ASTN1: variants seen among roughly 807,000 people sequenced by gnomAD.
ASTN1 encodes astrotactin 1, also known as astrotactin-1.
Under a neutral mutation model 140.7 loss-of-function variants are expected in ASTN1, and 41 were observed. That is an observed-to-expected ratio of 0.29 (90% CI 0.23 to 0.38). The LOEUF (loss-of-function observed/expected upper bound fraction) is 0.38. Ranked by LOEUF, ASTN1 falls within the 10% of genes least tolerant of loss-of-function variation. ASTN1 has a pLI of 1.00. For synonymous variants in ASTN1, 640 were observed against 652.2 expected (o/e 0.98, Z 0.29); for missense variants, 1,479 against 1,678.8 (o/e 0.88, Z 2.08).
At chr1:177,153,044 G>A (rs1171348243) in intron 1 of ASTN1, among the ~76,000 whole-genome samples, 1 of 152,054 alleles carries the variant, frequency 6.6e-6, no homozygotes, top group African/African-American at 2.4e-5. Flanking sequence ...GCTACAGTTT[G>A]GATGTTTGTC....
intron 1 of ASTN1, among the ~76,000 whole-genome samples, chr1:177,079,768 C>A (rs1448658531): frequency 6.6e-6 from 1 of 152,082 alleles, no homozygotes; most frequent in African/African-American, 2.4e-5. Context: ...ACTCCACACC[C>A]CCACTGAAAA....
At chr1:176,986,032 C>G (rs1170729590) in intron 8 of ASTN1, among the ~76,000 whole-genome samples, 6 of 152,148 alleles carry the variant, frequency 3.9e-5, no homozygotes. Context: ...CAGCTGAGAA[C>G]TGCCTCCTGC....
rs993490223 is a variant in ASTN1, at chr1:177,069,562, T to C, written c.284-8297A>G. 3.3e-4 allele frequency among the ~76,000 whole-genome samples: 50 copies of C among 152,110 alleles called. 1 individual carries two copies. The highest frequency in any genetic ancestry group is 3.1e-3 in the Admixed American group (48 of 15,270). On this transcript the variant is annotated intron_variant, in intron 1 of 22. Transcript: ENST00000361833. ...GTCTTGATGGAAAGCAGTGAAGCTT[T>C]CTATGGATGCTGCTGGAAGTAGGTC...
intron 17 of ASTN1, among the ~76,000 whole-genome samples, chr1:176,890,714 T>G (rs1382062699): frequency 6.6e-6 from 1 of 152,178 alleles, no homozygotes; most frequent in African/African-American, 2.4e-5. Flanking sequence ...CATCTTCAAT[T>G]CACACCACTC....
intron 1 of ASTN1, among the ~76,000 whole-genome samples, chr1:177,081,492 A>G (rs149284465): frequency 0.012 from 1,785 of 152,286 alleles, 20 homozygotes; most frequent in Middle Eastern, 0.027. Flanking sequence ...AGAGTGGCCC[A>G]TCTTCTTAAG....
At chr1:177,021,798 C>G (rs1185133680) in intron 7 of ASTN1, among the ~76,000 whole-genome samples, 3 of 152,194 alleles carry the variant, frequency 2.0e-5, no homozygotes, top group Admixed American at 6.5e-5. Context: ...CTGAGATTGT[C>G]CCAAATCCTT....
chr1:176,870,762 C>T (rs957217130), intron 21 of ASTN1, among the ~76,000 whole-genome samples: 3 of 152,094 alleles, frequency 2.0e-5, no homozygotes, highest in African/African-American at 7.2e-5. Flanking sequence ...TTAAAATTCT[C>T]ATATTGTTAA....
intron 16 of ASTN1, among the ~76,000 whole-genome samples, chr1:176,917,364 G>A (rs752212358): frequency 2.0e-5 from 3 of 152,194 alleles, no homozygotes; most frequent in Non-Finnish European, 2.9e-5. Flanking sequence ...ACTGGGCAGA[G>A]TAAGGATTTT....
intron 1 of ASTN1, among the ~76,000 whole-genome samples, chr1:177,137,851 C>G (rs559708389): frequency 6.6e-6 from 1 of 152,276 alleles, no homozygotes; most frequent in East Asian, 1.9e-4. Flanking sequence ...AAAATGCTAA[C>G]TAAAATAGCA....
chr1:177,091,591 A>T (rs1679755849), intron 1 of ASTN1, among the ~76,000 whole-genome samples: 1 of 152,180 alleles, frequency 6.6e-6, no homozygotes, highest in African/African-American at 2.4e-5. Context: ...TTTAAGATGC[A>T]CAATTCAGTG....
At chr1:176,893,354 GC>G (rs1669350828) in intron 17 of ASTN1, among the ~76,000 whole-genome samples, 1 of 152,144 alleles carries the variant, frequency 6.6e-6, no homozygotes, top group Admixed American at 6.5e-5. Flanking sequence ...GGTGACCCAA[GC>G]CCTCTGCCTT....
At chr1:177,051,188 G>A (rs1677524407) in intron 2 of ASTN1, among the ~76,000 whole-genome samples, 1 of 152,148 alleles carries the variant, frequency 6.6e-6, no homozygotes, top group African/African-American at 2.4e-5. Context: ...CAATCTGTGG[G>A]GGTCTGGCTA....
chr1:177,035,068 C>T, intron 2 of ASTN1, among the ~76,000 whole-genome samples: 1 of 152,168 alleles, frequency 6.6e-6, no homozygotes, highest in African/African-American at 2.4e-5. Flanking sequence ...ATTAGCTGTC[C>T]ATTATCATGC....
intron 14 of ASTN1, among the ~76,000 whole-genome samples, chr1:176,940,510 T>G (rs1671671492): frequency 6.6e-6 from 1 of 152,234 alleles, no homozygotes; most frequent in Admixed American, 6.5e-5. Flanking sequence ...CACCTACAAC[T>G]TTCTCAACCG....
intron 14 of ASTN1, among the ~76,000 whole-genome samples, chr1:176,937,536 A>G (rs1571536993): frequency 1.3e-5 from 2 of 152,156 alleles, no homozygotes; most frequent in African/African-American, 2.4e-5. Flanking sequence ...CCCTGTTTGA[A>G]TTCTAGCCAT....
At chr1:176,960,049 TCACAA>T (rs1242821681) in intron 9 of ASTN1, among the ~76,000 whole-genome samples, 2 of 151,802 alleles carry the variant, frequency 1.3e-5, no homozygotes, top group Non-Finnish European at 2.9e-5. Context: ...ACACACACAC[TCACAA>T]ACACAAACAC....
At chr1:176,894,219 G>A (rs1669392483) in intron 17 of ASTN1, among the ~76,000 whole-genome samples, 1 of 152,092 alleles carries the variant, frequency 6.6e-6, no homozygotes. Context: ...GCAGAACTGA[G>A]CATCCTCCCC....
chr1:177,036,032 C>CTTTTTT (rs1413189825), intron 2 of ASTN1, among the ~76,000 whole-genome samples: 1 of 123,660 alleles, frequency 8.1e-6, no homozygotes, highest in African/African-American at 3.6e-5. Flanking sequence ...ATGACCTCAG[C>CTTTTTT]TTTCTTTTTT....
chr1:176,907,603 T>C (rs1405418336), intron 16 of ASTN1, among the ~76,000 whole-genome samples: 2 of 152,188 alleles, frequency 1.3e-5, no homozygotes, highest in Non-Finnish European at 2.9e-5. Flanking sequence ...AACTTTTATA[T>C]ACTTGACCAA....
Sources: gnomAD v4.1 joint callset for allele counts (sites outside exome capture counted in the v4.1 genomes callset) on GRCh38, gnomAD v4.1.1 for gene constraint, MANE v1.5 for transcripts, NCBI Gene and HGNC (gene_info 2026-07-23, HGNC 2026-07-21) for gene names.